Variants in DLGAP1 observed in about 807,000 individuals in gnomAD.
The protein encoded by DLGAP1 is disks large-associated protein 1.
A neutral mutation model predicts 90.8 loss-of-function variants in DLGAP1; 11 were observed. The observed-to-expected ratio is 0.12, with a 90% CI of 0.08 to 0.20. The LOEUF (loss-of-function observed/expected upper bound fraction) is 0.20. Ranked by LOEUF, DLGAP1 falls within the 10% of genes least tolerant of loss-of-function variation. The pLI is 1.00. For missense variants in DLGAP1, 1,050 were observed against 1,333.8 expected, an observed-to-expected ratio of 0.79 and a Z score of 3.31; for synonymous variants, 558 against 540.7, an observed-to-expected ratio of 1.03 and a Z score of -0.44.
rs59612709 is a variant in DLGAP1, at chr18:3,562,539, C to CTT, written c.2057+4949_2057+4950dup. Reference sequence around the variant, plus strand: ...TCCCTGCAGAAGCCCTCTTCTCTCCCTTTTTTTTTTTTTTTTTTTTTTTTA... The same window carrying CTT: ...TCCCTGCAGAAGCCCTCTTCTCTCCCTTTTTTTTTTTTTTTTTTTTTTTTTTA... On this transcript the variant is annotated intron_variant, in intron 9 of 12. Coordinates refer to ENST00000315677, the MANE Select transcript of DLGAP1 (RefSeq NM_004746.4). Among the ~76,000 whole-genome samples, 144 of 118,132 alleles carry CTT rather than the reference C, an allele frequency of 1.2e-3. 2 individuals carry two copies. The highest frequency in any genetic ancestry group is 3.5e-3 in the African/African-American group (101 of 28,476). The allele number at this position is 118,132 out of a possible 152,430, so 77.5% of individuals were successfully genotyped here.
chr18:3,990,404 T>C (rs1296767126), intron 3 of DLGAP1, among the ~76,000 whole-genome samples: 6 of 149,160 alleles, frequency 4.0e-5, no homozygotes, highest in Non-Finnish European at 8.9e-5. Context: ...AAACACCACA[T>C]GTTCTCACTC....
At position 3,975,934 on chromosome 18, in the gene DLGAP1, A is replaced by C. The variant is rs140592106; in HGVS notation, c.-73+29182T>G. On this transcript the variant is annotated intron_variant, in intron 3 of 12. Transcript: ENST00000315677. ...ATGGCCTGGGGGAGAGGGAATGGGA[A>C]GTCAGTGTTTAAGGGGTGCAGAGTT... Among the ~76,000 whole-genome samples the C allele has an allele frequency of 1.1e-3, 164 of 152,218 alleles. 1 individual carries two copies. The highest frequency in any genetic ancestry group is 1.9e-3 in the Non-Finnish European group (129 of 68,016).
chr18:3,737,849 C>T (rs1455031777), intron 6 of DLGAP1, among the ~76,000 whole-genome samples: 14 of 149,532 alleles, frequency 9.4e-5, no homozygotes, highest in Middle Eastern at 3.4e-3. Flanking sequence ...TCTTTGCAGA[C>T]GACATGATTG....
chr18:3,578,021 C>T (rs906807765), intron 8 of DLGAP1, among the ~76,000 whole-genome samples: 1 of 152,180 alleles, frequency 6.6e-6, no homozygotes, highest in Non-Finnish European at 1.5e-5. Context: ...TGGCACTGTG[C>T]TTACGGCCTT....
At chr18:4,091,077 T>C (rs757051059) in intron 2 of DLGAP1, among the ~76,000 whole-genome samples, 11 of 151,990 alleles carry the variant, frequency 7.2e-5, no homozygotes, top group Non-Finnish European at 1.6e-4. Context: ...GAACAACATA[T>C]ACTGGGGCCT....
At chr18:4,332,876 T>C (rs1381354627) in intron 1 of DLGAP1, among the ~76,000 whole-genome samples, 1 of 151,976 alleles carries the variant, frequency 6.6e-6, no homozygotes, top group Non-Finnish European at 1.5e-5. Context: ...TCTGCCTACC[T>C]GTATTTACCC....
Position 4,368,680 on chromosome 18 carries a change from C to T in DLGAP1, c.-267+86326G>A, listed in dbSNP as rs956545616. Among the ~76,000 whole-genome samples the T allele has an allele frequency of 1.9e-3, 251 of 135,380 alleles. 1 individual carries two copies. Among genetic ancestry groups the T allele is most frequent in the Non-Finnish European group, 2.4e-3 (147 of 61,336 alleles). 88.8% of individuals were successfully genotyped at this position (135,380 alleles called of 152,430 possible). The stretch of plus-strand genomic sequence containing the variant: ...ACACACACACACACACACACACACA[C>T]ACATCCTATTGGTTCTGTTTCTCTA... On this transcript the variant is annotated intron_variant, in intron 1 of 12. Coordinates refer to ENST00000315677, the MANE Select transcript of DLGAP1 (RefSeq NM_004746.4).
At chr18:4,325,123 G>T (rs2080787618) in intron 1 of DLGAP1, among the ~76,000 whole-genome samples, 1 of 152,028 alleles carries the variant, frequency 6.6e-6, no homozygotes, top group African/African-American at 2.4e-5. Context: ...CCATAGTCTT[G>T]GCCCAAAAGC....
At chr18:3,569,974 C>A (rs1006648727) in intron 8 of DLGAP1, among the ~76,000 whole-genome samples, 1 of 151,770 alleles carries the variant, frequency 6.6e-6, no homozygotes, top group Admixed American at 6.6e-5. Flanking sequence ...TTTACTGTAC[C>A]TTTTCTATGG....
chr18:4,124,353 T>C (rs976207435), intron 2 of DLGAP1, among the ~76,000 whole-genome samples: 1 of 152,194 alleles, frequency 6.6e-6, no homozygotes, highest in African/African-American at 2.4e-5. Flanking sequence ...GAAAAAATGT[T>C]CGAATAATCC....
intron 10 of DLGAP1, among the ~76,000 whole-genome samples, chr18:3,529,121 T>A (rs1402960971): frequency 6.6e-6 from 1 of 152,220 alleles, no homozygotes; most frequent in African/African-American, 2.4e-5. Flanking sequence ...TCTGTGCTCC[T>A]CTAAAACTCA....
At chr18:3,742,753 C>T (rs1005250071) in intron 5 of DLGAP1, among the ~76,000 whole-genome samples, 1 of 152,106 alleles carries the variant, frequency 6.6e-6, no homozygotes, top group Non-Finnish European at 1.5e-5. Context: ...AACTAATTGC[C>T]TCATTCACAT....
At chr18:4,051,329 A>G (rs1195451571) in intron 2 of DLGAP1, among the ~76,000 whole-genome samples, 6 of 152,264 alleles carry the variant, frequency 3.9e-5, no homozygotes, top group African/African-American at 1.4e-4. Context: ...GGCTTAATTG[A>G]CTCATAGTTC....
intron 1 of DLGAP1, chr18:4,280,993 T>A (rs138385081): frequency 1.3e-5 from 2 of 152,376 alleles, no homozygotes; most frequent in African/African-American, 4.8e-5. Context: ...AAAATTGTCT[T>A]GGACTTATAA....
rs1404844760 is a variant in DLGAP1, at chr18:3,775,235, C to T, written c.1173-32723G>A. Among the ~76,000 whole-genome samples, 1 of 152,216 alleles carries T rather than the reference C, an allele frequency of 6.6e-6. No homozygotes were observed. Among genetic ancestry groups the T allele is most frequent in the African/African-American group, 2.4e-5 (1 of 41,446 alleles). Reference sequence around the variant, plus strand: ...ACTGGGTTATTTTGTAACAATTCTCCTTCCATTCCCCTGTGTTATGCACAT... The same window carrying T: ...ACTGGGTTATTTTGTAACAATTCTCTTTCCATTCCCCTGTGTTATGCACAT... On this transcript the variant is annotated intron_variant, in intron 5 of 12. Transcript: ENST00000315677. The surrounding 1 kb of genome is among the most constrained non-coding windows in gnomAD (Gnocchi z 4.9).
chr18:4,231,097 T>C (rs1053140714), intron 1 of DLGAP1, among the ~76,000 whole-genome samples: 11 of 152,110 alleles, frequency 7.2e-5, no homozygotes, highest in African/African-American at 2.4e-4. Context: ...TTTTTCCTTC[T>C]TATTTATTGT....
intron 10 of DLGAP1, among the ~76,000 whole-genome samples, chr18:3,532,067 C>T (rs2052041292): frequency 6.6e-6 from 1 of 151,980 alleles, no homozygotes; most frequent in Admixed American, 6.6e-5. Context: ...ATTGGCTATG[C>T]TGGTCTTGAA....
At chr18:3,540,786 AG>A (rs2052649491) in intron 9 of DLGAP1, among the ~76,000 whole-genome samples, 1 of 152,212 alleles carries the variant, frequency 6.6e-6, no homozygotes, top group Non-Finnish European at 1.5e-5. Flanking sequence ...AAAATAGGAT[AG>A]GCTTTCTATA....
chr18:3,815,041 C>T (rs563911956), intron 4 of DLGAP1, among the ~76,000 whole-genome samples: 2 of 152,314 alleles, frequency 1.3e-5, no homozygotes, highest in South Asian at 4.1e-4. Flanking sequence ...ATTTGTACAT[C>T]TCAGTTTTCT....
Sources: gnomAD v4.1 joint callset for allele counts (sites outside exome capture counted in the v4.1 genomes callset) on GRCh38, gnomAD v4.1.1 for gene constraint, Gnocchi (gnomAD v3.1) non-coding constraint, MANE v1.5 for transcripts, NCBI Gene and HGNC (gene_info 2026-07-23, HGNC 2026-07-21) for gene names.